ARHGAP42: variants seen among roughly 807,000 people sequenced by gnomAD.
ARHGAP42 encodes Rho GTPase activating protein 42.
In ARHGAP42, 63 loss-of-function variants were observed where a neutral mutation model predicts 125.0. The ratio of observed to expected loss-of-function variants is 0.50; its 90% CI spans 0.41 to 0.62. The LOEUF is 0.62. Ranked by LOEUF, ARHGAP42 falls within the 20% of genes least tolerant of loss-of-function variation. ARHGAP42 has a pLI of 0.00. For missense variants in ARHGAP42, 766 were observed against 1,024.2 expected (o/e 0.75, Z 3.44); for synonymous variants, 339 against 351.0 (o/e 0.97, Z 0.38).
chr11:100,779,542 A>ATG (rs1863234032), intron 2 of ARHGAP42, among the ~76,000 whole-genome samples: 2 of 42,302 alleles, frequency 4.7e-5, no homozygotes, highest in Admixed American at 7.1e-4. Flanking sequence ...ATATATACGT[A>ATG]TATATATACA....
intron 1 of ARHGAP42, among the ~76,000 whole-genome samples, chr11:100,696,106 C>T (rs951927616): frequency 5.9e-5 from 9 of 151,954 alleles, no homozygotes; most frequent in Admixed American, 3.3e-4. Context: ...TGCCTGTAGT[C>T]CCAGCTCCTT....
intron 7 of ARHGAP42, 113 bp downstream of exon 7, chr11:100,933,373 C>A (rs1867639202): frequency 1.6e-6 from 1 of 639,990 alleles, no homozygotes; most frequent in Admixed American, 3.9e-5. Flanking sequence ...CCCACAAAAC[C>A]CTAATCTTAG....
chr11:100,897,058 ATC>A (rs1866383000), intron 4 of ARHGAP42, among the ~76,000 whole-genome samples: 1 of 152,098 alleles, frequency 6.6e-6, no homozygotes, highest in African/African-American at 2.4e-5. Context: ...TTCTACATAT[ATC>A]TAGCCAGTTT....
chr11:100,842,953 A>G (rs542708413), intron 3 of ARHGAP42, among the ~76,000 whole-genome samples: 11 of 152,180 alleles, frequency 7.2e-5, no homozygotes, highest in Non-Finnish European at 1.0e-4. Context: ...CCAGCAGAAG[A>G]AAATAACCAA....
chr11:100,690,914 C>T (rs1042997649), intron 1 of ARHGAP42, among the ~76,000 whole-genome samples: 5 of 152,102 alleles, frequency 3.3e-5, no homozygotes, highest in Non-Finnish European at 5.9e-5. Context: ...TCCATTATTA[C>T]GTTTCAGATT....
chr11:100,921,227 ATATATATATATATATATATTTTTTTT>A (rs1299037237), intron 5 of ARHGAP42, among the ~76,000 whole-genome samples: 2 of 70,066 alleles, frequency 2.9e-5, no homozygotes, highest in South Asian at 6.6e-4. Context: ...ATATATATAT[ATATATATATATATATATATTTTTTTT>A]TTTTTTTTTT....
intron 6 of ARHGAP42, among the ~76,000 whole-genome samples, chr11:100,926,136 G>A (rs376231328): frequency 6.6e-6 from 1 of 152,180 alleles, no homozygotes; most frequent in South Asian, 2.1e-4. Flanking sequence ...TCATTCAGCT[G>A]TAAACTTGTG....
At chr11:100,910,762 C>G (rs776567130) in intron 4 of ARHGAP42, among the ~76,000 whole-genome samples, 1 of 151,686 alleles carries the variant, frequency 6.6e-6, no homozygotes, top group Non-Finnish European at 1.5e-5. Context: ...ATAGTTGTCC[C>G]TCATGTGGCC....
At chr11:100,956,482 G>A (rs774569993) in intron 12 of ARHGAP42, among the ~76,000 whole-genome samples, 2 of 152,126 alleles carry the variant, frequency 1.3e-5, no homozygotes, top group African/African-American at 4.8e-5. Flanking sequence ...AAAGAAAATT[G>A]CAAGCCACAT....
chr11:100,765,674 AG>A (rs1862813963), intron 1 of ARHGAP42, among the ~76,000 whole-genome samples: 1 of 152,196 alleles, frequency 6.6e-6, no homozygotes, highest in South Asian at 2.1e-4. Context: ...TGTGCCCTTC[AG>A]GAGGGAAGGA....
At chr11:100,893,623 TA>T (rs1866276308) in intron 4 of ARHGAP42, among the ~76,000 whole-genome samples, 4 of 152,130 alleles carry the variant, frequency 2.6e-5, no homozygotes. Flanking sequence ...TGAAGATTTT[TA>T]AAAATCTATA....
chr11:100,698,394 C>T (rs894748614), intron 1 of ARHGAP42, among the ~76,000 whole-genome samples: 3 of 152,146 alleles, frequency 2.0e-5, no homozygotes, highest in Non-Finnish European at 4.4e-5. Context: ...TCACTTGAGC[C>T]CAGGAGGTCC....
chr11:100,922,330 A>G (rs1867304061), intron 6 of ARHGAP42, among the ~76,000 whole-genome samples: 2 of 152,200 alleles, frequency 1.3e-5, no homozygotes, highest in Admixed American at 6.5e-5. Context: ...AAACCGCGTT[A>G]CAGAAAAGAA....
At chr11:100,975,431 T>C (rs1285560532) in intron 19 of ARHGAP42, among the ~76,000 whole-genome samples, 1 of 152,208 alleles carries the variant, frequency 6.6e-6, no homozygotes, top group African/African-American at 2.4e-5. Flanking sequence ...TATCTGATTT[T>C]TCTTATAACT....
chr11:100,921,059 C>T (rs1867228411), intron 5 of ARHGAP42, among the ~76,000 whole-genome samples: 1 of 151,230 alleles, frequency 6.6e-6, no homozygotes, highest in South Asian at 2.1e-4. Flanking sequence ...ACGGCCCCTG[C>T]TTTTTTTATA....
intron 2 of ARHGAP42, among the ~76,000 whole-genome samples, chr11:100,787,043 C>G (rs1195574766): frequency 6.6e-6 from 1 of 151,820 alleles, no homozygotes; most frequent in Non-Finnish European, 1.5e-5. Flanking sequence ...TTTGGGAGGC[C>G]GAGGCGGGTG....
intron 3 of ARHGAP42, among the ~76,000 whole-genome samples, chr11:100,832,356 T>C (rs1864682997): frequency 1.3e-5 from 2 of 152,232 alleles, no homozygotes; most frequent in African/African-American, 2.4e-5. Flanking sequence ...TCTGGATCTC[T>C]GATGATCTCT....
intron 4 of ARHGAP42, among the ~76,000 whole-genome samples, chr11:100,863,927 C>T (rs145948060): frequency 0.011 from 1,607 of 152,232 alleles, 16 homozygotes; most frequent in Non-Finnish European, 0.018. Context: ...CTGTAATCGT[C>T]GTATTAGCAT....
At chr11:100,948,812 C>G (rs1428524520) in intron 11 of ARHGAP42, among the ~76,000 whole-genome samples, 1 of 152,026 alleles carries the variant, frequency 6.6e-6, no homozygotes, top group Non-Finnish European at 1.5e-5. Flanking sequence ...TTGGCTCCAC[C>G]CATTAGGTTA....
Sources: allele counts gnomAD v4.1 joint callset (sites outside exome capture counted in the v4.1 genomes callset), GRCh38; gene constraint gnomAD v4.1.1; transcripts MANE v1.5; gene names NCBI Gene and HGNC (gene_info 2026-07-23, HGNC 2026-07-21).